The following GLYATL2 variants were observed in gnomAD, a reference collection of about 807,000 sequenced individuals.
GLYATL2 encodes glycine-N-acyltransferase like 2, also known as glycine N-acyltransferase-like protein 2.
GLYATL2 carries 25 observed loss-of-function variants against 21.4 expected under a neutral mutation model. The ratio of observed to expected loss-of-function variants is 1.17; its 90% CI spans 0.85 to 1.63. GLYATL2 has a LOEUF of 1.63. Among genes scored for constraint, GLYATL2 ranks in the 40% most tolerant of loss-of-function variants. The pLI, the probability that GLYATL2 is intolerant of heterozygous loss-of-function variation, is 0.00. For synonymous variants in GLYATL2, 114 were observed against 118.2 expected, an observed-to-expected ratio of 0.96 and a Z score of 0.23; for missense variants, 361 against 343.3, an observed-to-expected ratio of 1.05 and a Z score of -0.41.
At chr11:58,905,743 A>C, upstream of GLYATL2, 1 of 3,026 alleles carries the variant, frequency 3.3e-4, no homozygotes, top group South Asian at 2.4e-3. Context: ...ACAAATAGGG[A>C]GGGTGGGCGG....
intron 1 of GLYATL2, among the ~76,000 whole-genome samples, chr11:58,851,771 G>A (rs1183791601): frequency 6.6e-6 from 1 of 152,152 alleles, no homozygotes; most frequent in Non-Finnish European, 1.5e-5. Flanking sequence ...ATGTTAAAGA[G>A]TTTCTAAATC....
chr11:58,896,232 G>A (rs747395189), intron 1 of GLYATL2, among the ~76,000 whole-genome samples: 10 of 152,246 alleles, frequency 6.6e-5, no homozygotes, highest in Admixed American at 2.6e-4. Flanking sequence ...CATAATAAAA[G>A]TTTGGGGTGG....
At position 58,867,352 on chromosome 11, in the gene GLYATL2, G is replaced by T. The variant is rs138338824; in HGVS notation, n.61-28984C>A. On this transcript the variant is annotated intron_variant and non_coding_transcript_variant, in intron 1 of 4. Coordinates refer to the GLYATL2 transcript ENST00000533636. ...ATTCAGGGTGGACTCTTGGCAGCGT[G>T]TAATTTATGGTGAATATGTTCTCTC... is the stretch of plus-strand genomic sequence containing the variant. Among the ~76,000 whole-genome samples the T allele has an allele frequency of 5.4e-3, 806 of 149,130 alleles. 76 individuals carry two copies. The highest frequency in any genetic ancestry group is 9.6e-3 in the Non-Finnish European group (647 of 67,108).
At chr11:58,865,189 G>A (rs1386494203) in intron 1 of GLYATL2, among the ~76,000 whole-genome samples, 1 of 148,372 alleles carries the variant, frequency 6.7e-6, no homozygotes, top group Non-Finnish European at 1.5e-5. Context: ...GAAAACTACT[G>A]TTGGCCTCTT....
intron 1 of GLYATL2, among the ~76,000 whole-genome samples, chr11:58,897,837 A>G (rs1191640207): frequency 6.6e-6 from 1 of 152,254 alleles, no homozygotes; most frequent in East Asian, 1.9e-4. Flanking sequence ...AAATATATTG[A>G]AAAGGAATTA....
At chr11:58,865,904 G>T (rs2134598682) in intron 1 of GLYATL2, among the ~76,000 whole-genome samples, 1 of 149,156 alleles carries the variant, frequency 6.7e-6, no homozygotes, top group Non-Finnish European at 1.5e-5. Flanking sequence ...CTATTACTTT[G>T]TAGTATAGCC....
intron 1 of GLYATL2, among the ~76,000 whole-genome samples, chr11:58,865,034 A>G (rs555232906): frequency 6.7e-6 from 1 of 149,180 alleles, no homozygotes; most frequent in African/African-American, 2.4e-5. Flanking sequence ...TGTTTATGGC[A>G]TAGGTTGTGT....
At chr11:58,898,939 C>T (rs1454379770) in intron 1 of GLYATL2, among the ~76,000 whole-genome samples, 1 of 152,158 alleles carries the variant, frequency 6.6e-6, no homozygotes, top group African/African-American at 2.4e-5. Flanking sequence ...ATTTGACCCT[C>T]AGAAGAATAT....
At chr11:58,868,577 T>C (rs1854059023) in intron 1 of GLYATL2, among the ~76,000 whole-genome samples, 1 of 149,274 alleles carries the variant, frequency 6.7e-6, no homozygotes, top group Non-Finnish European at 1.5e-5. Flanking sequence ...ATTGGTTTTC[T>C]GTGCAGTGAA....
At chr11:58,854,325 C>G (rs954891641) in intron 1 of GLYATL2, among the ~76,000 whole-genome samples, 1 of 152,118 alleles carries the variant, frequency 6.6e-6, no homozygotes, top group African/African-American at 2.4e-5. Flanking sequence ...GGGTTTAGTT[C>G]CAGACCACTG....
Position 58,856,461 on chromosome 11 carries a change from C to G in GLYATL2, n.61-18093G>C, listed in dbSNP as rs1021784611. ...TCACAACTTGGCTAACTGTTTGGTG[C>G]AAAAGACCTAGCTTTTGGACTGTCT... On this transcript the variant is annotated intron_variant and non_coding_transcript_variant, in intron 1 of 4. Coordinates refer to the GLYATL2 transcript ENST00000533636. Among the ~76,000 whole-genome samples the G allele has an allele frequency of 2.0e-5, 3 of 152,208 alleles. No individual in the cohort carries two copies. In the East Asian group the frequency reaches 5.8e-4, roughly 29 times the overall value.
At chr11:58,867,933 T>C in intron 1 of GLYATL2, among the ~76,000 whole-genome samples, 1 of 148,808 alleles carries the variant, frequency 6.7e-6, no homozygotes, top group East Asian at 2.2e-4. Flanking sequence ...GTTCCAGCCT[T>C]ACCCCACTGC....
chr11:58,858,271 A>G (rs1853867866), intron 1 of GLYATL2, among the ~76,000 whole-genome samples: 2 of 152,258 alleles, frequency 1.3e-5, no homozygotes, highest in South Asian at 2.1e-4. Flanking sequence ...AGATGAGCCT[A>G]CTTTGGAAAC....
At chr11:58,906,966 C>T (rs140807983), upstream of GLYATL2, among the ~76,000 whole-genome samples, 1 of 152,072 alleles carries the variant, frequency 6.6e-6, no homozygotes, top group Non-Finnish European at 1.5e-5. Flanking sequence ...ATGTGGAATC[C>T]TTTTTTAAAA....
intron 1 of GLYATL2, among the ~76,000 whole-genome samples, chr11:58,876,981 A>G (rs1187510984): frequency 1.3e-5 from 2 of 152,214 alleles, no homozygotes; most frequent in Admixed American, 6.5e-5. Flanking sequence ...CTCAAGTCTG[A>G]GCAATGGCAG....
At chr11:58,838,872 T>C (rs193220188) in intron 2 of GLYATL2, among the ~76,000 whole-genome samples, 2 of 152,238 alleles carry the variant, frequency 1.3e-5, no homozygotes. Flanking sequence ...ACTACCTGTC[T>C]AGGAAGTGAT....
chr11:58,862,390 G>T (rs1853948050), intron 1 of GLYATL2, among the ~76,000 whole-genome samples: 1 of 152,076 alleles, frequency 6.6e-6, no homozygotes, highest in South Asian at 2.1e-4. Context: ...CATCAGATAA[G>T]ATTTCTCTTC....
chr11:58,900,915 C>T (rs542406971), intron 1 of GLYATL2, among the ~76,000 whole-genome samples: 23 of 93,890 alleles, frequency 2.4e-4, no homozygotes, highest in Admixed American at 5.6e-4. Context: ...ATCTTCACCT[C>T]CCGCTTTTCT....
rs776773653 is a variant in GLYATL2, at chr11:58,834,808, T to C, written c.506A>G (p.Asp169Gly). The C allele has an allele frequency of 8.8e-6, 14 of 1,599,470 alleles. No individual in the cohort carries two copies. Among genetic ancestry groups the C allele is most frequent in the Non-Finnish European group, 1.2e-5 (14 of 1,174,720 alleles). The change falls in exon 6 of 6, where the codon GAT becomes GGT. Residue 169 changes from aspartate to glycine, a missense_variant. Asp to Gly is a moderately conservative substitution (Grantham distance 94). Coordinates refer to ENST00000287275, the MANE Select transcript of GLYATL2 (RefSeq NM_145016.4). ...ATTCACAAGACCTGCATGTGAAGCATCTAAGAACATGTTTGAAAAGTTTCC... is the reference window on the plus strand; with the variant it reads ...ATTCACAAGACCTGCATGTGAAGCACCTAAGAACATGTTTGAAAAGTTTCC... ...KEGNFSNMFL[D>G]ASHAGLVNEH...
Sources: allele counts gnomAD v4.1 joint callset (sites outside exome capture counted in the v4.1 genomes callset), GRCh38; gene constraint gnomAD v4.1.1; transcripts MANE v1.5; gene names NCBI Gene and HGNC (gene_info 2026-07-23, HGNC 2026-07-21).